UBE2T: variants seen among roughly 807,000 people sequenced by gnomAD.
UBE2T encodes ubiquitin conjugating enzyme E2 T, also known as ubiquitin-conjugating enzyme E2 T.
A neutral mutation model predicts 23.3 loss-of-function variants in UBE2T; 15 were observed. The ratio of observed to expected loss-of-function variants is 0.64; its 90% CI spans 0.43 to 0.99. The LOEUF (loss-of-function observed/expected upper bound fraction) is 0.99, where lower values mean the gene tolerates loss of function less well. Among genes scored for constraint, UBE2T ranks in the 50% least tolerant of loss-of-function variants. The pLI, the probability that UBE2T is intolerant of heterozygous loss-of-function variation, is 0.00. For synonymous variants in UBE2T, 67 were observed against 78.4 expected (o/e 0.85, Z 0.77); for missense variants, 197 against 234.9 (o/e 0.84, Z 1.05).
In UBE2T at chr1:202,335,491, C is replaced by G; in HGVS notation, c.109+155G>C. 1.5e-6 allele frequency: 1 copy of G among 687,412 alleles called. No homozygotes were observed. Among genetic ancestry groups the G allele is most frequent in the South Asian group, 2.0e-5 (1 of 50,390 alleles). 42.6% of individuals were successfully genotyped at this position (687,412 alleles called of 1,614,324 possible). A position where few individuals can be genotyped will look rare whatever the true frequency, so the allele number is the denominator to read the frequency against. On this transcript the variant is annotated intron_variant, in intron 2 of 6. Transcript: ENST00000646651. This position sits in a 1 kb window ranked among gnomAD's most constrained non-coding sequence, Gnocchi z 4.0. ...AAAGAAGCAAGAAATGTCAAGCAAA[C>G]CTTTTATAAATGTAAACAAATTTGG... is the stretch of plus-strand genomic sequence containing the variant.
intron 3 of UBE2T, 110 bp from the exon 4 acceptor site, chr1:202,333,665 G>A (rs1654818365): frequency 2.0e-6 from 2 of 988,612 alleles, no homozygotes; most frequent in Admixed American, 2.9e-5. Flanking sequence ...ATGTCAGGGA[G>A]ACTGCCTTTG....
rs1654908603 is a variant in UBE2T at position 202,337,270 on chromosome 1, T to TC, written c.-64-1453dup. Among the ~76,000 whole-genome samples the TC allele has an allele frequency of 1.3e-5, 2 of 152,070 alleles. 1 individual carries two copies. The highest frequency in any genetic ancestry group is 1.3e-4 in the Admixed American group (2 of 15,256). On this transcript the variant is annotated intron_variant, in intron 1 of 6. Coordinates refer to ENST00000646651, the MANE Select transcript of UBE2T (RefSeq NM_014176.4). ...CCAATCCTTTAATGTGTTACAAATATCCCCCAGTTTGTGCTTATCTTTCCA... is the reference window on the plus strand; with the variant it reads ...CCAATCCTTTAATGTGTTACAAATATCCCCCCAGTTTGTGCTTATCTTTCCA...
At chr1:202,340,468 C>T (rs1390014940) in intron 1 of UBE2T, among the ~76,000 whole-genome samples, 2 of 151,324 alleles carry the variant, frequency 1.3e-5, no homozygotes, top group African/African-American at 2.4e-5. Flanking sequence ...GAGCCAAGAT[C>T]GCGCCACTGC....
chr1:202,334,017 C>T lies in UBE2T; in HGVS notation c.180-462G>A, dbSNP rs184105622. Among the ~76,000 whole-genome samples, 477 of 152,020 alleles carry T rather than the reference C, an allele frequency of 3.1e-3. 3 individuals are homozygous for T. Among genetic ancestry groups the T allele is most frequent in the Admixed American group, 5.2e-3 (79 of 15,260 alleles). On this transcript the variant is annotated intron_variant, in intron 3 of 6. Transcript: ENST00000646651. The stretch of plus-strand genomic sequence containing the variant: ...TTATTATGTATCTTTAGTGAGACAC[C>T]GACCTTGCAAAGTTCCCAGTCTATT...
At position 202,335,089 on chromosome 1, in the gene UBE2T, A is replaced by G; in HGVS notation, c.110-31T>C. 6.4e-7 allele frequency: 1 copy of G among 1,556,538 alleles called. No individual in the cohort carries two copies. Among genetic ancestry groups the G allele is most frequent in the Non-Finnish European group, 8.8e-7 (1 of 1,139,990 alleles). The stretch of plus-strand genomic sequence containing the variant: ...AAGAAAAAAGAAAGAAAAAGTTAAA[A>G]GGGAATCAGATCATTTGAATTACTA... On this transcript the variant is annotated intron_variant, in intron 2 of 6. Coordinates refer to ENST00000646651, the MANE Select transcript of UBE2T (RefSeq NM_014176.4). This position sits in a 1 kb window ranked among gnomAD's most constrained non-coding sequence, Gnocchi z 4.0.
rs368644259 is a variant in UBE2T, at chr1:202,341,227, T to A, written c.-65+668A>T. ...CCCTAGTCTTTTTTTGTATCAAGTC[T>A]GCAGTAAATTTGGATAATTAATGAA... On this transcript the variant is annotated intron_variant, in intron 1 of 6. Transcript: ENST00000646651. 6.0e-4 allele frequency among the ~76,000 whole-genome samples: 92 copies of A among 152,236 alleles called. No homozygotes were observed. In the South Asian group the frequency reaches 0.011, roughly 18 times the overall value.
rs752864201 is a variant in UBE2T, at chr1:202,335,646, G to A, written c.109C>T (p.Gln37Ter). ...ATCATATACATGATTTGATACCTAC[G>A]AGCTCGCAGGTCATCCATTTGGTCT... ...DKDQMDDLRAQILGGANTPYE... is the reference protein window; with the variant it reads ...DKDQMDDLRA The change falls in exon 2 of 7, where the codon CAA (glutamine) becomes TAA (stop). Residue 37 changes from glutamine to a stop codon, truncating the protein, a stop_gained and splice_region_variant. Coordinates refer to ENST00000646651, the MANE Select transcript of UBE2T (RefSeq NM_014176.4). LOFTEE classifies it high-confidence loss of function. This position sits in a 1 kb window ranked among gnomAD's most constrained non-coding sequence, Gnocchi z 4.0. The A allele has an allele frequency of 6.2e-6, 10 of 1,613,564 alleles. No homozygotes were observed. Among genetic ancestry groups the A allele is most frequent in the Admixed American group, 5.0e-5 (3 of 59,988 alleles).
At chr1:202,333,618 A>T (rs927019053) in intron 3 of UBE2T, 63 bp from the exon 4 acceptor site, 2 of 1,442,722 alleles carry the variant, frequency 1.4e-6, no homozygotes, top group Non-Finnish European at 1.9e-6. Context: ...ATACATTTAA[A>T]TAGTTTCTTG....
intron 1 of UBE2T, among the ~76,000 whole-genome samples, 164 bp downstream of exon 1, chr1:202,341,731 C>T (rs559788825): frequency 1.5e-4 from 23 of 152,058 alleles, no homozygotes; most frequent in African/African-American, 5.1e-4. Context: ...TGCAAAGATA[C>T]GGTGAGACCC....
intron 1 of UBE2T, among the ~76,000 whole-genome samples, chr1:202,339,521 A>AT (rs1297914452): frequency 7.0e-6 from 1 of 143,788 alleles, no homozygotes; most frequent in Non-Finnish European, 1.5e-5. Flanking sequence ...AAAAATAAAG[A>AT]TTTTTTGCTG....
chr1:202,333,401 G>A (rs1306028899), intron 4 of UBE2T, 49 bp downstream of exon 4: 5 of 1,612,900 alleles, frequency 3.1e-6, no homozygotes, highest in Non-Finnish European at 4.2e-6. Flanking sequence ...AAGTTTAATA[G>A]ATGAAGAAAA....
At position 202,333,463 on chromosome 1, in the gene UBE2T, T is replaced by C. The variant is rs758447884; in HGVS notation, c.272A>G (p.Lys91Arg). ...CCCACAACTCACTTTTGGTGGCAAT[T>C]TGAGAACATCCAGACAAATCCTTCC... The part of the protein sequence containing the change: ...SAGRICLDVL[K>R]LPPKGAWRPS... Residue 91 changes from lysine (K) to arginine (R), a missense_variant, in exon 4 of 7, where the codon AAA becomes AGA. Lys to Arg is a conservative substitution (Grantham distance 26). Transcript: ENST00000646651. 1.2e-6 allele frequency: 2 copies of C among 1,614,124 alleles called. No individual in the cohort carries two copies. The highest frequency in any genetic ancestry group is 1.7e-6 in the Non-Finnish European group (2 of 1,180,020).
In UBE2T at chr1:202,333,260, C is replaced by T; in HGVS notation, c.361G>A (p.Asp121Asn). ...ACTATGTCAGCCATGAGCGGGTCAT[C>T]AGGGTTGGGTTCTGACATGAGCAGC... The part of the protein sequence containing the change: ...IQLLMSEPNP[D>N]DPLMADISSE... Residue 121 changes from aspartate (D) to asparagine (N), a missense_variant, in exon 5 of 7, where the codon GAT (aspartate) becomes AAT (asparagine). Transcript: ENST00000646651. 6.2e-7 allele frequency: 1 copy of T among 1,614,108 alleles called. No homozygotes were observed. Among genetic ancestry groups the T allele is most frequent in the Non-Finnish European group, 8.5e-7 (1 of 1,180,024 alleles).
intron 3 of UBE2T, among the ~76,000 whole-genome samples, chr1:202,334,142 T>G (rs1291020874): frequency 6.6e-6 from 1 of 152,220 alleles, no homozygotes; most frequent in Non-Finnish European, 1.5e-5. Flanking sequence ...ATGTTTCAAC[T>G]GTCAGATAGT....
chr1:202,337,099 C>A (rs376602977), intron 1 of UBE2T, among the ~76,000 whole-genome samples: 14 of 152,266 alleles, frequency 9.2e-5, no homozygotes, highest in African/African-American at 1.9e-4. Context: ...CCCGCCACCA[C>A]GCCCGGCTAC....
chr1:202,332,521 G>A (rs912941065), intron 6 of UBE2T, among the ~76,000 whole-genome samples: 1 of 152,218 alleles, frequency 6.6e-6, no homozygotes, highest in African/African-American at 2.4e-5. Context: ...TGAGCTATTA[G>A]GCTATTTTGC....
In UBE2T at chr1:202,332,929, A is replaced by AAAAAAAAAAAACAAC. The variant is rs762338421; in HGVS notation, c.468+80_468+81insGTTGTTTTTTTTTTT. On this transcript the variant is annotated intron_variant, in intron 6 of 6. Coordinates refer to ENST00000646651, the MANE Select transcript of UBE2T (RefSeq NM_014176.4). ...TCTCAAAAAAAAAAAAAAAAAAAAA[A>AAAAAAAAAAAACAAC]AAAAAAAAAAACATTATTTATACAT... The AAAAAAAAAAAACAAC allele has an allele frequency of 6.5e-6, 3 of 458,994 alleles. No individual in the cohort carries two copies. The Admixed American group carries it at 1.6e-4, about 24-fold the overall frequency. 28.4% of individuals were successfully genotyped at this position (458,994 alleles called of 1,614,324 possible).
In UBE2T at chr1:202,333,382, C is replaced by G. The variant is rs371022626; in HGVS notation, c.286-47G>C. 1.9e-6 allele frequency: 3 copies of G among 1,612,546 alleles called. No homozygotes were observed. The African/African-American group carries it at 4.0e-5, about 22-fold the overall frequency. On this transcript the variant is annotated intron_variant, in intron 4 of 6. Coordinates refer to ENST00000646651, the MANE Select transcript of UBE2T (RefSeq NM_014176.4). ...GTTGCTTTTATATTAGAATGTGATC[C>G]TCTAATTCAAGTTTAATAGATGAAG...
At chr1:202,336,009 T>C (rs1293612561) in intron 1 of UBE2T, among the ~76,000 whole-genome samples, 191 bp from the exon 2 acceptor site, 2 of 152,158 alleles carry the variant, frequency 1.3e-5, no homozygotes, top group African/African-American at 2.4e-5. Context: ...CCTTCTGGGT[T>C]TGAGCAATTC....
Sources: gnomAD v4.1 joint callset for allele counts (sites outside exome capture counted in the v4.1 genomes callset) on GRCh38, gnomAD v4.1.1 for gene constraint, Gnocchi (gnomAD v3.1) non-coding constraint, MANE v1.5 for transcripts, NCBI Gene and HGNC (gene_info 2026-07-23, HGNC 2026-07-21) for gene names.